Variants in SNX27 observed in about 807,000 individuals in gnomAD.
SNX27 encodes the protein sorting nexin-27.
In SNX27, 22 loss-of-function variants were observed where a neutral mutation model predicts 71.6. The observed-to-expected ratio is 0.31, with a 90% CI of 0.22 to 0.44. The LOEUF is 0.44. SNX27 is among the 20% of genes least tolerant of loss of function. The pLI is 1.00. For synonymous variants in SNX27, 269 were observed against 277.2 expected, an observed-to-expected ratio of 0.97 and a Z score of 0.29; for missense variants, 531 against 698.6, an observed-to-expected ratio of 0.76 and a Z score of 2.70.
intron 11 of SNX27, chr1:151,694,122 G>A (rs1671591549): frequency 4.7e-6 from 6 of 1,268,486 alleles, no homozygotes; most frequent in Non-Finnish European, 6.0e-6. Flanking sequence ...GTGTAATTTT[G>A]GGTAAATCAG....
At chr1:151,637,134 T>A (rs1315415386) in intron 1 of SNX27, among the ~76,000 whole-genome samples, 5 of 151,534 alleles carry the variant, frequency 3.3e-5, no homozygotes, top group African/African-American at 1.2e-4. Context: ...CATGCTGGTA[T>A]ATGATCAGAG....
intron 8 of SNX27, among the ~76,000 whole-genome samples, chr1:151,689,989 C>T (rs1206876737): frequency 1.3e-5 from 2 of 152,106 alleles, no homozygotes; most frequent in Non-Finnish European, 2.9e-5. Flanking sequence ...GCTGGGATTA[C>T]AGGTGCATGC....
chr1:151,612,660 C>G lies in SNX27; in HGVS notation c.311+148C>G. 1 of 612,054 alleles carries G rather than the reference C, an allele frequency of 1.6e-6. No homozygotes were observed. Among genetic ancestry groups the G allele is most frequent in the East Asian group, 3.5e-5 (1 of 28,876 alleles). 37.9% of individuals were successfully genotyped at this position (612,054 alleles called of 1,614,324 possible). A position where few individuals can be genotyped will look rare whatever the true frequency, so the allele number is the denominator to read the frequency against. On this transcript the variant is annotated intron_variant, in intron 1 of 11. Transcript: ENST00000458013. The surrounding 1 kb of genome is among the most constrained non-coding windows in gnomAD (Gnocchi z 5.2). ...CGCCCCTCAGGCCTCCGCAGCCGGG[C>G]CCCTCCTTGTGGGCTGCCCTCCCAC...
At chr1:151,671,095 G>T (rs963972729) in intron 7 of SNX27, among the ~76,000 whole-genome samples, 25 of 152,172 alleles carry the variant, frequency 1.6e-4, no homozygotes, top group African/African-American at 6.0e-4. Context: ...GTTAACTGTA[G>T]GTATGTGGAT....
At chr1:151,662,322 A>G (rs761500773) in intron 5 of SNX27, 52 bp downstream of exon 5, 33 of 1,257,012 alleles carry the variant, frequency 2.6e-5, no homozygotes, top group Non-Finnish European at 2.1e-5. Flanking sequence ...AAGCTAAGGA[A>G]GATAGATTAA....
chr1:151,682,136 T>G (rs1670997331), intron 7 of SNX27, among the ~76,000 whole-genome samples: 1 of 152,248 alleles, frequency 6.6e-6, no homozygotes, highest in Non-Finnish European at 1.5e-5. Flanking sequence ...ATTTAAGTCC[T>G]CTGACACGAG....
At chr1:151,676,350 G>C (rs12058995) in intron 7 of SNX27, 2 of 112,960 alleles carry the variant, frequency 1.8e-5, no homozygotes, top group East Asian at 5.9e-4. Flanking sequence ...CTGTTGCCAA[G>C]ACTGGAGTGC....
chr1:151,652,254 G>C (rs944410313), intron 2 of SNX27, among the ~76,000 whole-genome samples: 142 of 141,190 alleles, frequency 1.0e-3, no homozygotes, highest in Non-Finnish European at 1.6e-3. Flanking sequence ...GAGACGGAGA[G>C]GGAGAGGGAG....
chr1:151,686,595 A>G (rs17641780), intron 8 of SNX27, among the ~76,000 whole-genome samples: 51,083 of 152,140 alleles, frequency 0.34, 8,788 homozygotes, highest in Middle Eastern at 0.44. Context: ...AGGCTCATCA[A>G]AGTTTGAATT....
At chr1:151,694,324 A>C in intron 11 of SNX27, 46 bp from the exon 12 acceptor site, 4 of 1,548,248 alleles carry the variant, frequency 2.6e-6, no homozygotes, top group Non-Finnish European at 3.5e-6. Flanking sequence ...TCTCCAGATA[A>C]GAGGAGATGT....
intron 1 of SNX27, among the ~76,000 whole-genome samples, chr1:151,625,362 C>T (rs1667877223): frequency 6.6e-6 from 1 of 151,652 alleles, no homozygotes; most frequent in African/African-American, 2.4e-5. Flanking sequence ...AAAAATTAGT[C>T]AGGTGTGGTG....
At chr1:151,683,045 A>G (rs527523759) in intron 7 of SNX27, among the ~76,000 whole-genome samples, 2 of 152,094 alleles carry the variant, frequency 1.3e-5, no homozygotes, top group South Asian at 2.1e-4. Context: ...AAAACAAACA[A>G]AAAAACCCCA....
At chr1:151,627,357 A>G (rs2102610422) in intron 1 of SNX27, among the ~76,000 whole-genome samples, 1 of 152,360 alleles carries the variant, frequency 6.6e-6, no homozygotes, top group Middle Eastern at 3.4e-3. Context: ...AAACAACTTT[A>G]TTGACTAAAG....
Position 151,623,148 on chromosome 1 carries a change from T to A in SNX27, c.311+10636T>A, listed in dbSNP as rs1242499777. Reference sequence around the variant, plus strand: ...CCACCATACCTGCCTAATATATATATATATTTTTTTTTTGAGATGGAGTCT... The same window carrying A: ...CCACCATACCTGCCTAATATATATAAATATTTTTTTTTTGAGATGGAGTCT... On this transcript the variant is annotated intron_variant, in intron 1 of 11. Coordinates refer to ENST00000458013, the MANE Select transcript of SNX27 (RefSeq NM_001330723.2). Among the ~76,000 whole-genome samples, 7 of 150,852 alleles carry A rather than the reference T, an allele frequency of 4.6e-5. No homozygotes were observed. The East Asian group carries it at 1.4e-3, about 29-fold the overall frequency.
chr1:151,693,553 C>G, intron 11 of SNX27, 70 bp downstream of exon 11: 1 of 1,612,028 alleles, frequency 6.2e-7, no homozygotes, highest in Non-Finnish European at 8.5e-7. Flanking sequence ...GGCCTGTGGC[C>G]AAATACCTGG....
rs1323842521 is a variant in SNX27 at position 151,612,818 on chromosome 1, G to T, written c.311+306G>T. On this transcript the variant is annotated intron_variant, in intron 1 of 11. Coordinates refer to ENST00000458013, the MANE Select transcript of SNX27 (RefSeq NM_001330723.2). This position sits in a 1 kb window ranked among gnomAD's most constrained non-coding sequence, Gnocchi z 5.2. ...CTCCGCCCCTTTGCCTTCCCGTTTG[G>T]CGTGCTGCATTCTGCTCCTCACTCC... Among the ~76,000 whole-genome samples, 1 of 152,028 alleles carries T rather than the reference G, an allele frequency of 6.6e-6. No individual in the cohort carries two copies. The highest frequency in any genetic ancestry group is 2.4e-5 in the African/African-American group (1 of 41,388).
chr1:151,693,965 ATAAT>A, intron 11 of SNX27: 3 of 1,258,872 alleles, frequency 2.4e-6, no homozygotes, highest in Non-Finnish European at 3.0e-6. Context: ...AAGATTCTGA[ATAAT>A]TAGTTACTTA....
At chr1:151,636,453 A>G (rs939844158) in intron 1 of SNX27, among the ~76,000 whole-genome samples, 19 of 152,028 alleles carry the variant, frequency 1.2e-4, no homozygotes, top group Admixed American at 1.1e-3. Flanking sequence ...GGCACGTGCC[A>G]CCAGGCCTGG....
At chr1:151,640,675 C>T (rs1668683033) in intron 2 of SNX27, among the ~76,000 whole-genome samples, 1 of 152,136 alleles carries the variant, frequency 6.6e-6, no homozygotes, top group African/African-American at 2.4e-5. Flanking sequence ...GCGCCCAGCC[C>T]ACTAATTGTA....
Sources: gnomAD v4.1 joint callset for allele counts (sites outside exome capture counted in the v4.1 genomes callset) on GRCh38, gnomAD v4.1.1 for gene constraint, Gnocchi (gnomAD v3.1) non-coding constraint, MANE v1.5 for transcripts, NCBI Gene and HGNC (gene_info 2026-07-23, HGNC 2026-07-21) for gene names.